BTBD9: variants seen among roughly 807,000 people sequenced by gnomAD.
BTBD9 encodes BTB domain containing 9, also known as BTB/POZ domain-containing protein 9.
In BTBD9, 49 loss-of-function variants were observed where a neutral mutation model predicts 64.3. The ratio of observed to expected loss-of-function variants is 0.76; its 90% CI spans 0.61 to 0.97. The LOEUF is 0.97. BTBD9 is among the 50% of genes least tolerant of loss of function. The probability of loss-of-function intolerance (pLI) is 0.00; values close to 1 mark genes in which losing one functional copy is unlikely to be tolerated. For missense variants in BTBD9, 598 were observed against 762.1 expected (o/e 0.78, Z 2.53); for synonymous variants, 260 against 274.7 (o/e 0.95, Z 0.53).
intron 6 of BTBD9, among the ~76,000 whole-genome samples, chr6:38,456,809 T>C (rs1769834365): frequency 6.6e-6 from 1 of 152,242 alleles, no homozygotes; most frequent in African/African-American, 2.4e-5. Context: ...AACTAGTCTT[T>C]TTTACTTATC....
At chr6:38,408,675 T>C (rs982159720) in intron 6 of BTBD9, among the ~76,000 whole-genome samples, 2 of 152,146 alleles carry the variant, frequency 1.3e-5, no homozygotes, top group African/African-American at 4.8e-5. Flanking sequence ...AAGTAAACAG[T>C]TGCTGTGTAG....
At chr6:38,410,678 A>G (rs1444178175) in intron 6 of BTBD9, among the ~76,000 whole-genome samples, 1 of 152,080 alleles carries the variant, frequency 6.6e-6, no homozygotes, top group Non-Finnish European at 1.5e-5. Context: ...TCAGTGAGGA[A>G]GTTCCTTAGA....
chr6:38,605,977 G>A (rs982106650), intron 1 of BTBD9, among the ~76,000 whole-genome samples: 2 of 152,194 alleles, frequency 1.3e-5, no homozygotes, highest in African/African-American at 4.8e-5. Context: ...CTAATCAGCT[G>A]CCAGCATAAA....
intron 10 of BTBD9, among the ~76,000 whole-genome samples, chr6:38,177,685 AC>A (rs568405730): frequency 7.1e-4 from 108 of 152,142 alleles, no homozygotes; most frequent in Non-Finnish European, 1.2e-3. Context: ...ACATTCCACG[AC>A]CCGACCTGTC....
intron 6 of BTBD9, among the ~76,000 whole-genome samples, chr6:38,368,371 GT>G (rs1562087102): frequency 6.6e-6 from 1 of 152,022 alleles, no homozygotes; most frequent in Non-Finnish European, 1.5e-5. Context: ...GTCTTGCTCT[GT>G]TGCCCAGGCT....
chr6:38,554,379 A>AAAAAT (rs1480363918), intron 6 of BTBD9, among the ~76,000 whole-genome samples: 5 of 152,228 alleles, frequency 3.3e-5, no homozygotes, highest in African/African-American at 4.8e-5. Flanking sequence ...CCAATAAAAG[A>AAAAAT]AAAATAAATG....
intron 6 of BTBD9, among the ~76,000 whole-genome samples, chr6:38,509,700 T>G (rs1251530206): frequency 2.0e-5 from 3 of 152,122 alleles, no homozygotes; most frequent in African/African-American, 7.2e-5. Flanking sequence ...AAAACTGAAC[T>G]CAGGGAAGAG....
At chr6:38,337,089 C>G (rs1177133074) in intron 7 of BTBD9, among the ~76,000 whole-genome samples, 1 of 152,208 alleles carries the variant, frequency 6.6e-6, no homozygotes, top group East Asian at 1.9e-4. Context: ...CTGTAGGAAA[C>G]TATCTGCATT....
At chr6:38,232,875 G>A (rs1207846016) in intron 9 of BTBD9, among the ~76,000 whole-genome samples, 1 of 152,110 alleles carries the variant, frequency 6.6e-6, no homozygotes, top group Non-Finnish European at 1.5e-5. Context: ...TATAGCCCAG[G>A]CTAAACCTGG....
At chr6:38,491,066 T>C (rs562193027) in intron 6 of BTBD9, among the ~76,000 whole-genome samples, 1 of 152,308 alleles carries the variant, frequency 6.6e-6, no homozygotes, top group Non-Finnish European at 1.5e-5. Context: ...AAGCTGTTCA[T>C]GAGGGTCATC....
At chr6:38,314,446 T>C (rs2127572661) in intron 7 of BTBD9, among the ~76,000 whole-genome samples, 1 of 152,198 alleles carries the variant, frequency 6.6e-6, no homozygotes, top group East Asian at 1.9e-4. Flanking sequence ...TTTGTCTGGT[T>C]TTGATAACAG....
At chr6:38,371,324 C>T (rs910245657) in intron 6 of BTBD9, among the ~76,000 whole-genome samples, 1 of 152,166 alleles carries the variant, frequency 6.6e-6, no homozygotes, top group African/African-American at 2.4e-5. Flanking sequence ...GAAATTTAAA[C>T]TCTGAAAGTG....
intron 8 of BTBD9, among the ~76,000 whole-genome samples, chr6:38,274,096 T>A (rs1765289003): frequency 1.3e-5 from 2 of 152,262 alleles, no homozygotes; most frequent in Admixed American, 6.5e-5. Context: ...GTCCTTCACG[T>A]CCCTTGTACG....
intron 6 of BTBD9, among the ~76,000 whole-genome samples, chr6:38,545,878 A>ACG (rs1774532756): frequency 6.7e-6 from 1 of 150,034 alleles, no homozygotes; most frequent in African/African-American, 2.5e-5. Context: ...ACACACACAC[A>ACG]CACACACACA....
intron 6 of BTBD9, among the ~76,000 whole-genome samples, chr6:38,516,646 C>T (rs188735970): frequency 1.1e-4 from 17 of 152,312 alleles, no homozygotes; most frequent in Non-Finnish European, 2.2e-4. Flanking sequence ...AAATCTCAGG[C>T]TTATTAGATG....
In BTBD9 at chr6:38,448,341, C is replaced by T. The variant is rs560780266; in HGVS notation, c.1155-103248G>A. On this transcript the variant is annotated intron_variant, in intron 6 of 10. Coordinates refer to ENST00000481247, the MANE Select transcript of BTBD9 (RefSeq NM_001099272.2). ...GAATGCAATGTAAGAGGGAAGGTGACGGTGGGAGATAAATATTTTTGTAAG... is the reference window on the plus strand; with the variant it reads ...GAATGCAATGTAAGAGGGAAGGTGATGGTGGGAGATAAATATTTTTGTAAG... 3.2e-4 allele frequency among the ~76,000 whole-genome samples: 49 copies of T among 151,884 alleles called. No homozygotes were observed. In the South Asian group the frequency reaches 7.7e-3, roughly 24 times the overall value.
chr6:38,591,390 A>G (rs570304233), intron 4 of BTBD9, among the ~76,000 whole-genome samples: 261 of 152,310 alleles, frequency 1.7e-3, no homozygotes, highest in Admixed American at 3.5e-3. Flanking sequence ...ACCTCCATGA[A>G]ATCTCCCTCA....
At chr6:38,512,511 C>G (rs1288434971) in intron 6 of BTBD9, among the ~76,000 whole-genome samples, 1 of 152,176 alleles carries the variant, frequency 6.6e-6, no homozygotes, top group African/African-American at 2.4e-5. Context: ...TGGGAGCTTG[C>G]TGACCGAGCT....
chr6:38,413,057 A>G (rs771000654), intron 6 of BTBD9, among the ~76,000 whole-genome samples: 9 of 152,164 alleles, frequency 5.9e-5, no homozygotes, highest in Non-Finnish European at 1.2e-4. Flanking sequence ...ATTTCTTCCT[A>G]CCAAACTCTT....
Sources: allele counts gnomAD v4.1 joint callset (sites outside exome capture counted in the v4.1 genomes callset), GRCh38; gene constraint gnomAD v4.1.1; transcripts MANE v1.5; gene names NCBI Gene and HGNC (gene_info 2026-07-23, HGNC 2026-07-21).